BDP1: variants seen among roughly 807,000 people sequenced by gnomAD.
The protein encoded by BDP1 is transcription factor TFIIIB component B'' homolog.
A neutral mutation model predicts 266.6 loss-of-function variants in BDP1; 169 were observed. The ratio of observed to expected loss-of-function variants is 0.63; its 90% confidence interval spans 0.56 to 0.72. BDP1 has a LOEUF of 0.72. BDP1 is among the 30% of genes least tolerant of loss of function. The pLI, the probability that BDP1 is intolerant of heterozygous loss-of-function variation, is 0.00. For synonymous variants in BDP1, 1,090 were observed against 1,022.4 expected, an observed-to-expected ratio of 1.07 and a Z score of -1.26; for missense variants, 3,015 against 3,053.8, an observed-to-expected ratio of 0.99 and a Z score of 0.30.
chr5:71,473,610 T>C (rs1762405383), intron 7 of BDP1, among the ~76,000 whole-genome samples: 1 of 152,124 alleles, frequency 6.6e-6, no homozygotes, highest in Admixed American at 6.6e-5. Flanking sequence ...TGTTGGTGTG[T>C]TTTTATTGAT....
At position 71,484,185 on chromosome 5, in the gene BDP1, T is replaced by A. The variant is rs375768639; in HGVS notation, c.1069+289T>A. Among the ~76,000 whole-genome samples the A allele has an allele frequency of 2.6e-5, 4 of 152,142 alleles. No individual in the cohort carries two copies. The East Asian group carries it at 7.7e-4, about 29-fold the overall frequency. ...AGTGTTATTTATTCTGAAGGAACTG[T>A]ATGGGAGGAGATCATTGTTTCTGGA... is the stretch of plus-strand genomic sequence containing the variant. On this transcript the variant is annotated intron_variant, in intron 8 of 38. Coordinates refer to ENST00000358731, the MANE Select transcript of BDP1 (RefSeq NM_018429.3).
At chr5:71,527,286 A>T (rs1765949425) in intron 25 of BDP1, among the ~76,000 whole-genome samples, 1 of 152,062 alleles carries the variant, frequency 6.6e-6, no homozygotes, top group African/African-American at 2.4e-5. Context: ...CCAAGATACA[A>T]GATACAAACA....
chr5:71,464,781 C>T (rs913910712), intron 4 of BDP1, among the ~76,000 whole-genome samples: 13 of 127,764 alleles, frequency 1.0e-4, no homozygotes, highest in Non-Finnish European at 1.6e-4. Flanking sequence ...TGCAGTGGTG[C>T]GATCTCGGCT....
downstream of BDP1, among the ~76,000 whole-genome samples, chr5:71,568,827 T>G (rs1744171390): frequency 1.3e-5 from 2 of 152,106 alleles, no homozygotes. Context: ...TTGTCAAAAA[T>G]CAAGAAAATA....
At chr5:71,515,946 G>A (rs1201843601) in intron 20 of BDP1, 115 bp from the exon 21 acceptor site, 2 of 666,364 alleles carry the variant, frequency 3.0e-6, no homozygotes, top group Non-Finnish European at 5.1e-6. Context: ...CCCTTTAATG[G>A]TACAAAGTAT....
At chr5:71,465,272 C>CATTATT (rs530411913) in intron 4 of BDP1, among the ~76,000 whole-genome samples, 1 of 151,452 alleles carries the variant, frequency 6.6e-6, no homozygotes, top group East Asian at 1.9e-4. Context: ...TAACTATAAG[C>CATTATT]ATTATTATTA....
At chr5:71,481,935 G>C (rs756795568) in intron 7 of BDP1, among the ~76,000 whole-genome samples, 2 of 152,078 alleles carry the variant, frequency 1.3e-5, no homozygotes, top group Admixed American at 1.3e-4. Context: ...TACATCCCTG[G>C]TAGAGAAAGG....
At chr5:71,476,602 A>C (rs1157557708) in intron 7 of BDP1, among the ~76,000 whole-genome samples, 2 of 150,256 alleles carry the variant, frequency 1.3e-5, no homozygotes, top group African/African-American at 4.9e-5. Flanking sequence ...GTGCAGTGGC[A>C]CGATCTCAGT....
intron 22 of BDP1, among the ~76,000 whole-genome samples, chr5:71,519,112 G>A (rs995681398): frequency 6.6e-6 from 1 of 151,890 alleles, no homozygotes; most frequent in Non-Finnish European, 1.5e-5. Context: ...GAGCCACTGC[G>A]CCCAACCTGG....
At chr5:71,526,857 T>G (rs1191742689) in intron 25 of BDP1, among the ~76,000 whole-genome samples, 1 of 151,876 alleles carries the variant, frequency 6.6e-6, no homozygotes, top group Non-Finnish European at 1.5e-5. Context: ...GATTAATTTT[T>G]GTATTTTTGG....
chr5:71,562,573 GATTCAACTAGGGAAAACATAGTA>G, intron 38 of BDP1, 53 bp downstream of exon 38: 1 of 1,563,010 alleles, frequency 6.4e-7, no homozygotes, highest in South Asian at 1.2e-5. Context: ...TTGGATATGA[GATTCAACTAGGGAAAACATAGTA>G]ATTTGTTATT....
Position 71,565,178 on chromosome 5 carries a change from G to T in BDP1, c.*293G>T. ...GACTCTTCCTGTGCTAAGCACACAT[G>T]GACATTTGGGAATGTTGTGGATATA... On this transcript the variant is annotated 3_prime_UTR_variant, in exon 39 of 39. Coordinates refer to ENST00000358731, the MANE Select transcript of BDP1 (RefSeq NM_018429.3). 1 of 253,752 alleles carries T rather than the reference G, an allele frequency of 3.9e-6. No homozygotes were observed. The allele number at this position is 253,752 out of a possible 1,614,324, so 15.7% of individuals were successfully genotyped here.
At chr5:71,470,276 A>T (rs1324542263) in intron 6 of BDP1, 119 bp from the exon 7 acceptor site, 17 of 714,758 alleles carry the variant, frequency 2.4e-5, no homozygotes, top group Non-Finnish European at 4.0e-5. Context: ...AGGTGTTTTT[A>T]GGTATTGCAT....
rs538312265 is a variant in BDP1, at chr5:71,480,826, A to C, written c.1015-3016A>C. ...TGATCCACTCACCTCAGCCTCCCAC[A>C]GTGCTAGGATTATAAGAAGTGAACC... On this transcript the variant is annotated intron_variant, in intron 7 of 38. Coordinates refer to ENST00000358731, the MANE Select transcript of BDP1 (RefSeq NM_018429.3). Among the ~76,000 whole-genome samples the C allele has an allele frequency of 2.6e-5, 4 of 152,248 alleles. No homozygotes were observed. In the East Asian group the frequency reaches 7.7e-4, roughly 29 times the overall value.
rs772697160 is a variant in BDP1 at position 71,502,670 on chromosome 5, G to A, written c.2120G>A (p.Arg707Gln). 12 of 1,613,884 alleles carry A rather than the reference G, an allele frequency of 7.4e-6. No individual in the cohort carries two copies. Among genetic ancestry groups the A allele is most frequent in the East Asian group, 2.2e-5 (1 of 44,870 alleles). The change falls in exon 15 of 39, where the codon CGA becomes CAA. Residue 707 changes from arginine to glutamine, a missense_variant. Physicochemically the swap from Arg to Gln is conservative, Grantham distance 43. This residue lies in a region of BDP1 where 2,383 missense variants were observed against 2,404.9 expected (regional missense o/e 0.99). Coordinates refer to ENST00000358731, the MANE Select transcript of BDP1 (RefSeq NM_018429.3). ...TTAAGACCTGTACAAGTGAGGGGCC[G>A]ATTGCAAAAGCCAAAGCCAAATGCA... ...KALRPVQVRG[R>Q]LQKPKPNAGK...
At chr5:71,508,252 C>G (rs1011642081) in intron 16 of BDP1, among the ~76,000 whole-genome samples, 3 of 152,144 alleles carry the variant, frequency 2.0e-5, no homozygotes, top group African/African-American at 7.2e-5. Context: ...GGCTGAGCCA[C>G]CATGCCCAGC....
In BDP1 at chr5:71,532,590, TTTTG is replaced by T. The variant is rs2307799; in HGVS notation, c.5892+173_5892+176del. ...TAGTAAAAACTAGTGAAAGCAATGA[TTTTG>T]TTTGTTTGTGGGCAGAGCTCTTAAT... On this transcript the variant is annotated intron_variant, in intron 26 of 38. Transcript: ENST00000358731. 0.3 allele frequency among the ~76,000 whole-genome samples: 45,487 copies of T among 151,894 alleles called. 7,825 individuals carry two copies. The highest frequency in any genetic ancestry group is 0.5 in the East Asian group (2,569 of 5,140).
At chr5:71,513,485 G>A in intron 19 of BDP1, 78 bp downstream of exon 19, 1 of 828,462 alleles carries the variant, frequency 1.2e-6, no homozygotes, top group African/African-American at 1.8e-5. Context: ...AAAAGCACCT[G>A]GCATTAAAAT....
downstream of BDP1, among the ~76,000 whole-genome samples, chr5:71,570,745 A>T (rs1744238733): frequency 6.6e-6 from 1 of 152,226 alleles, no homozygotes; most frequent in Admixed American, 6.5e-5. Flanking sequence ...AGTACCTCTC[A>T]CCATCATCTC....
Sources: allele counts gnomAD v4.1 joint callset (sites outside exome capture counted in the v4.1 genomes callset), GRCh38; gene constraint gnomAD v4.1.1; regional missense constraint gnomAD v4.1.1; transcripts MANE v1.5; gene names NCBI Gene and HGNC (gene_info 2026-07-23, HGNC 2026-07-21).